CCBE1: variants seen among roughly 807,000 people sequenced by gnomAD.
The protein encoded by CCBE1 is collagen and calcium-binding EGF domain-containing protein 1.
In CCBE1, 37 loss-of-function variants were observed where a neutral mutation model predicts 50.0. The observed-to-expected ratio is 0.74, with a 90% CI of 0.57 to 0.97. The LOEUF is 0.97. CCBE1 is among the 50% of genes least tolerant of loss of function. CCBE1 has a pLI of 0.00. For missense variants in CCBE1, 538 were observed against 523.8 expected, an observed-to-expected ratio of 1.03 and a Z score of -0.26; for synonymous variants, 234 against 203.7, an observed-to-expected ratio of 1.15 and a Z score of -1.27.
intron 2 of CCBE1, among the ~76,000 whole-genome samples, chr18:59,645,891 T>C (rs891886919): frequency 4.6e-5 from 7 of 151,434 alleles, no homozygotes; most frequent in African/African-American, 1.5e-4. Context: ...AATAGCCGGG[T>C]GTGGTGGCGG....
In CCBE1 at chr18:59,668,171, A is replaced by G. The variant is rs200838939; in HGVS notation, c.212+28458T>C. Among the ~76,000 whole-genome samples the G allele has an allele frequency of 4.9e-4, 75 of 152,094 alleles. No homozygotes were observed. In the East Asian group the frequency reaches 0.014, roughly 28 times the overall value. ...ATGGTGGCTCATGTCTGTAATCCCA[A>G]CACTTTGGGAGGCTGAGGCGGGTGG... On this transcript the variant is annotated intron_variant, in intron 2 of 10. Coordinates refer to ENST00000439986, the MANE Select transcript of CCBE1 (RefSeq NM_133459.4).
At chr18:59,548,352 TAGTG>T (rs1433352365) in intron 2 of CCBE1, among the ~76,000 whole-genome samples, 1 of 152,182 alleles carries the variant, frequency 6.6e-6, no homozygotes, top group Non-Finnish European at 1.5e-5. Flanking sequence ...TATTTAAAGA[TAGTG>T]AGTTATATCT....
chr18:59,499,544 G>A (rs1913516873), intron 2 of CCBE1, among the ~76,000 whole-genome samples: 1 of 152,146 alleles, frequency 6.6e-6, no homozygotes, highest in African/African-American at 2.4e-5. Context: ...GACGGCAACA[G>A]GCAAAGAGAG....
chr18:59,449,625 CAAA>C (rs34310128), intron 6 of CCBE1, among the ~76,000 whole-genome samples: 381 of 126,338 alleles, frequency 3.0e-3, no homozygotes, highest in African/African-American at 8.0e-3. Context: ...AGACTCTGTC[CAAA>C]AAAAAAAAAA....
intron 2 of CCBE1, among the ~76,000 whole-genome samples, chr18:59,658,393 AT>A (rs2054232121): frequency 2.1e-5 from 1 of 48,770 alleles, no homozygotes; most frequent in African/African-American, 7.7e-5. Flanking sequence ...ATATATATAT[AT>A]ATATATATAT....
Position 59,576,636 on chromosome 18 carries a change from A to G in CCBE1, c.213-96398T>C, listed in dbSNP as rs2053001305. 2.0e-5 allele frequency among the ~76,000 whole-genome samples: 3 copies of G among 152,248 alleles called. 1 individual carries two copies. The South Asian group carries it at 6.2e-4, about 32-fold the overall frequency. On this transcript the variant is annotated intron_variant, in intron 2 of 10. Transcript: ENST00000439986. ...AAATTGCTTTTGCTGCCTCCCCTAC[A>G]ACAATGAGCTGTGAGTGAGGCTTGC...
At chr18:59,456,028 C>A (rs982462669) in intron 5 of CCBE1, among the ~76,000 whole-genome samples, 3 of 152,234 alleles carry the variant, frequency 2.0e-5, no homozygotes, top group African/African-American at 7.2e-5. Flanking sequence ...GCAAAGCCCT[C>A]TGTTCCATCT....
At chr18:59,462,125 C>T (rs1911512625) in intron 5 of CCBE1, among the ~76,000 whole-genome samples, 1 of 152,164 alleles carries the variant, frequency 6.6e-6, no homozygotes, top group Non-Finnish European at 1.5e-5. Flanking sequence ...GGACATCCCT[C>T]ATTATAGTCA....
chr18:59,689,206 T>C (rs2144745828), intron 2 of CCBE1, among the ~76,000 whole-genome samples: 1 of 152,324 alleles, frequency 6.6e-6, no homozygotes, highest in Admixed American at 6.5e-5. Context: ...TCTGTTTACA[T>C]AGCCTCCTGT....
At position 59,479,206 on chromosome 18, in the gene CCBE1, C is replaced by A. The variant is rs192498222; in HGVS notation, c.265+980G>T. 2.6e-5 allele frequency among the ~76,000 whole-genome samples: 4 copies of A among 152,304 alleles called. No homozygotes were observed. The East Asian group carries it at 7.7e-4, about 29-fold the overall frequency. Reference sequence around the variant, plus strand: ...CACCCTAGCCCTGAACAAGCTTAACCTCATGCCCTTCAAACAAATAGTCTT... The same window carrying A: ...CACCCTAGCCCTGAACAAGCTTAACATCATGCCCTTCAAACAAATAGTCTT... On this transcript the variant is annotated intron_variant, in intron 3 of 10. Transcript: ENST00000439986.
chr18:59,644,525 A>C (rs941939554), intron 2 of CCBE1, among the ~76,000 whole-genome samples: 1 of 152,240 alleles, frequency 6.6e-6, no homozygotes, highest in Admixed American at 6.5e-5. Flanking sequence ...AATTTTTTCC[A>C]GTCACACTTA....
At chr18:59,673,608 A>T (rs2054462511) in intron 2 of CCBE1, among the ~76,000 whole-genome samples, 1 of 152,266 alleles carries the variant, frequency 6.6e-6, no homozygotes. Context: ...ATTTTGACAT[A>T]CATTCCATCA....
chr18:59,489,633 G>A (rs539264056), intron 2 of CCBE1, among the ~76,000 whole-genome samples: 4 of 152,100 alleles, frequency 2.6e-5, no homozygotes, highest in African/African-American at 9.6e-5. Flanking sequence ...GGCTGGTCTC[G>A]AACTCCTGAC....
At chr18:59,510,425 A>G (rs543240425) in intron 2 of CCBE1, among the ~76,000 whole-genome samples, 2 of 151,496 alleles carry the variant, frequency 1.3e-5, no homozygotes, top group African/African-American at 4.8e-5. Flanking sequence ...TGCAAATTGA[A>G]CTTTTTTTTT....
chr18:59,444,400 T>TA (rs1391317919), intron 7 of CCBE1, among the ~76,000 whole-genome samples: 1 of 152,102 alleles, frequency 6.6e-6, no homozygotes, highest in African/African-American at 2.4e-5. Context: ...AGCCTCCTGA[T>TA]ATGTTTAATT....
chr18:59,484,778 C>T (rs1399553914), intron 2 of CCBE1, among the ~76,000 whole-genome samples: 1 of 152,196 alleles, frequency 6.6e-6, no homozygotes, highest in Non-Finnish European at 1.5e-5. Context: ...GCCCTTCTGT[C>T]TTCCCTAGAG....
intron 2 of CCBE1, among the ~76,000 whole-genome samples, chr18:59,656,064 G>T: frequency 6.6e-6 from 1 of 152,198 alleles, no homozygotes; most frequent in East Asian, 1.9e-4. Flanking sequence ...GGAGGAAAAG[G>T]CAAGGAGGAG....
At chr18:59,510,267 G>A (rs927135125) in intron 2 of CCBE1, among the ~76,000 whole-genome samples, 9 of 152,180 alleles carry the variant, frequency 5.9e-5, no homozygotes, top group African/African-American at 1.9e-4. Context: ...TCTGACAGAG[G>A]GAGCAGGGTG....
In CCBE1 at chr18:59,480,535, G is replaced by T. The variant is rs532078123; in HGVS notation, c.213-297C>A. Among the ~76,000 whole-genome samples the T allele has an allele frequency of 1.6e-3, 236 of 152,184 alleles. 3 individuals are homozygous for T. The highest frequency in any genetic ancestry group is 2.0e-3 in the Non-Finnish European group (135 of 67,978). On this transcript the variant is annotated intron_variant, in intron 2 of 10. Coordinates refer to ENST00000439986, the MANE Select transcript of CCBE1 (RefSeq NM_133459.4). ...AGATACTTATATTAAGCAATTAAAG[G>T]AGTATAGGGCATAAATAGGAAAAGG...
Sources: gnomAD v4.1 joint callset for allele counts (sites outside exome capture counted in the v4.1 genomes callset) on GRCh38, gnomAD v4.1.1 for gene constraint, MANE v1.5 for transcripts, NCBI Gene and HGNC (gene_info 2026-07-23, HGNC 2026-07-21) for gene names.